LAMA4: variants seen among roughly 807,000 people sequenced by gnomAD.
The protein encoded by LAMA4 is laminin subunit alpha-4.
LAMA4 carries 127 observed loss-of-function variants against 207.1 expected under a neutral mutation model. That is an observed-to-expected ratio of 0.61 (90% CI 0.53 to 0.71). LAMA4 has a LOEUF of 0.71. LAMA4 is among the 30% of genes least tolerant of loss of function. The pLI is 0.00. For synonymous variants in LAMA4, 761 were observed against 816.0 expected, an observed-to-expected ratio of 0.93 and a Z score of 1.15; for missense variants, 2,093 against 2,246.5, an observed-to-expected ratio of 0.93 and a Z score of 1.38.
chr6:112,190,922 TC>T (rs1783019343), intron 6 of LAMA4, among the ~76,000 whole-genome samples: 1 of 97,990 alleles, frequency 1.0e-5, no homozygotes, highest in African/African-American at 4.1e-5. Context: ...TTTCTTTCTT[TC>T]TTTCTTTCTT....
chr6:112,195,421 G>A (rs1239210399), intron 5 of LAMA4, among the ~76,000 whole-genome samples: 4 of 152,112 alleles, frequency 2.6e-5, no homozygotes, highest in Admixed American at 6.6e-5. Flanking sequence ...CAGGGTCTAC[G>A]TGTGAAAAAC....
intron 31 of LAMA4, among the ~76,000 whole-genome samples, chr6:112,126,200 G>A (rs1173430494): frequency 6.6e-6 from 1 of 152,114 alleles, no homozygotes; most frequent in Non-Finnish European, 1.5e-5. Flanking sequence ...ACTTAATTTA[G>A]AAAACTGTGT....
chr6:112,199,420 G>GA (rs34706794), intron 5 of LAMA4, among the ~76,000 whole-genome samples: 13,228 of 152,140 alleles, frequency 0.087, 674 homozygotes, highest in East Asian at 0.16. Flanking sequence ...ACACTGAGGA[G>GA]AAAAAACTCC....
chr6:112,227,274 T>C (rs1364753630), intron 2 of LAMA4, among the ~76,000 whole-genome samples: 6 of 152,014 alleles, frequency 3.9e-5, no homozygotes, highest in Admixed American at 3.9e-4. Flanking sequence ...TTTCACCATC[T>C]TGGCCAGGCT....
Position 112,172,598 on chromosome 6 carries a change from G to C in LAMA4, c.1551+13C>G. Reference sequence around the variant, plus strand: ...TGATGCTGAAATGCATTGATGGTGAGTGTCCGCTGTACCTCATGGTCCCGC... The same window carrying C: ...TGATGCTGAAATGCATTGATGGTGACTGTCCGCTGTACCTCATGGTCCCGC... On this transcript the variant is annotated intron_variant, in intron 12 of 38. Transcript: ENST00000230538. 6.2e-7 allele frequency: 1 copy of C among 1,611,836 alleles called. No individual in the cohort carries two copies. The highest frequency in any genetic ancestry group is 8.5e-7 in the Non-Finnish European group (1 of 1,179,492).
intron 2 of LAMA4, among the ~76,000 whole-genome samples, chr6:112,244,391 TC>T (rs1163446120): frequency 3.3e-5 from 5 of 152,146 alleles, no homozygotes; most frequent in African/African-American, 1.2e-4. Flanking sequence ...TTCTGAGACT[TC>T]CCCATCCCTT....
chr6:112,252,866 G>A (rs1787558229), intron 2 of LAMA4, among the ~76,000 whole-genome samples: 1 of 152,148 alleles, frequency 6.6e-6, no homozygotes, highest in Admixed American at 6.5e-5. Context: ...TTATACCACA[G>A]TGAGAGGTTG....
chr6:112,141,991 T>G, intron 20 of LAMA4, 128 bp downstream of exon 20: 117 of 857,472 alleles, frequency 1.4e-4, no homozygotes, highest in Non-Finnish European at 1.9e-4. Context: ...GCCATTAAAA[T>G]GAGATCTTCT....
At chr6:112,242,916 A>G (rs1786624328) in intron 2 of LAMA4, among the ~76,000 whole-genome samples, 1 of 152,192 alleles carries the variant, frequency 6.6e-6, no homozygotes, top group Non-Finnish European at 1.5e-5. Flanking sequence ...CTCATTGAGT[A>G]AAAATACCTT....
Position 112,201,589 on chromosome 6 carries a change from G to A in LAMA4, c.503+19C>T. 6.2e-7 allele frequency: 1 copy of A among 1,602,088 alleles called. No homozygotes were observed. The highest frequency in any genetic ancestry group is 8.6e-7 in the Non-Finnish European group (1 of 1,169,044). ...CTTCCTTTGACCCACACAGAAAATA[G>A]AGAATTTTATTGGCTTACCTTTCAC... On this transcript the variant is annotated intron_variant, in intron 5 of 38. Transcript: ENST00000230538.
At chr6:112,121,829 G>A in intron 32 of LAMA4, 185 bp downstream of exon 32, 1 of 591,160 alleles carries the variant, frequency 1.7e-6, no homozygotes, top group Non-Finnish European at 3.1e-6. Context: ...CAATTGGAAA[G>A]TCACAGAGAA....
rs191151328 is a variant in LAMA4 at position 112,226,070 on chromosome 6, C to T, written c.196-9601G>A. Among the ~76,000 whole-genome samples, 192 of 152,254 alleles carry T rather than the reference C, an allele frequency of 1.3e-3. 1 individual carries two copies. Among genetic ancestry groups the T allele is most frequent in the Non-Finnish European group, 2.3e-3 (154 of 68,014 alleles). ...AATACTACCAAGGAGATTCTTCCTC[C>T]TTGTTCCCAATACCACTATTTAGTT... is the stretch of plus-strand genomic sequence containing the variant. On this transcript the variant is annotated intron_variant, in intron 2 of 38. Coordinates refer to ENST00000230538, the MANE Select transcript of LAMA4 (RefSeq NM_001105206.3).
At position 112,247,548 on chromosome 6, in the gene LAMA4, G is replaced by T. The variant is rs114701511; in HGVS notation, c.195+6408C>A. 9.9e-3 allele frequency among the ~76,000 whole-genome samples: 1,501 copies of T among 152,220 alleles called. 22 individuals are homozygous for T. The highest frequency in any genetic ancestry group is 0.035 in the African/African-American group (1,436 of 41,516). On this transcript the variant is annotated intron_variant, in intron 2 of 38. Coordinates refer to ENST00000230538, the MANE Select transcript of LAMA4 (RefSeq NM_001105206.3). ...AAACAAAACAAAACCAGAAGACCTG[G>T]CAATGCTGAGAGGTGGCTGCCACTC...
chr6:112,206,946 G>GCAAAACAAAACAAAA, intron 4 of LAMA4, 75 bp downstream of exon 4: 3 of 1,545,186 alleles, frequency 1.9e-6, no homozygotes, highest in Middle Eastern at 3.4e-4. Context: ...CTGGGATAAG[G>GCAAAACAAAACAAAA]CAAAACAAAA....
intron 6 of LAMA4, among the ~76,000 whole-genome samples, chr6:112,190,927 CT>C (rs1283650962): frequency 2.2e-5 from 2 of 92,788 alleles, no homozygotes; most frequent in South Asian, 9.6e-4. Flanking sequence ...TTCTTTCTTT[CT>C]TTCTTTCTTT....
intron 18 of LAMA4, among the ~76,000 whole-genome samples, chr6:112,147,745 A>T (rs187569968): frequency 9.2e-5 from 14 of 152,362 alleles, no homozygotes; most frequent in African/African-American, 3.1e-4. Flanking sequence ...TACTCAGATA[A>T]AGAAAAAGCA....
At position 112,118,342 on chromosome 6, in the gene LAMA4, TTATC is replaced by T; in HGVS notation, c.4822-448_4822-445del. Reference sequence around the variant, plus strand: ...ATGAGCTGTTTTTGTGGTTGAGAATTTATCATATCACAGGACATGAAACTTGGGC... The same window carrying T: ...ATGAGCTGTTTTTGTGGTTGAGAATTATATCACAGGACATGAAACTTGGGC... On this transcript the variant is annotated intron_variant, in intron 34 of 38. Coordinates refer to ENST00000230538, the MANE Select transcript of LAMA4 (RefSeq NM_001105206.3). This position sits in a 1 kb window ranked among gnomAD's most constrained non-coding sequence, Gnocchi z 4.6. 6.6e-6 allele frequency among the ~76,000 whole-genome samples: 1 copy of T among 152,160 alleles called. No individual in the cohort carries two copies. The highest frequency in any genetic ancestry group is 1.9e-4 in the East Asian group (1 of 5,190).
intron 38 of LAMA4, among the ~76,000 whole-genome samples, chr6:112,110,007 A>C (rs1399100712): frequency 6.6e-6 from 1 of 152,224 alleles, no homozygotes; most frequent in Non-Finnish European, 1.5e-5. Flanking sequence ...ATTTCTGTTT[A>C]ATTCATTACC....
chr6:112,242,258 T>C (rs1438655736), intron 2 of LAMA4, among the ~76,000 whole-genome samples: 6 of 152,214 alleles, frequency 3.9e-5, no homozygotes, highest in Admixed American at 3.9e-4. Context: ...GACTTTATCT[T>C]ATCAGCTTCC....
Sources: gnomAD v4.1 joint callset for allele counts (sites outside exome capture counted in the v4.1 genomes callset) on GRCh38, gnomAD v4.1.1 for gene constraint, Gnocchi (gnomAD v3.1) non-coding constraint, MANE v1.5 for transcripts, NCBI Gene and HGNC (gene_info 2026-07-23, HGNC 2026-07-21) for gene names.